Variants in RAD51B observed in about 807,000 individuals in gnomAD.
RAD51B encodes the protein RAD51 paralog B.
Under a neutral mutation model 42.2 loss-of-function variants are expected in RAD51B, and 38 were observed. The observed-to-expected ratio is 0.90, with a 90% CI of 0.70 to 1.18. RAD51B has a LOEUF of 1.18. Ranked by LOEUF, RAD51B falls within the 50% of genes most tolerant of loss-of-function variation. The probability of loss-of-function intolerance (pLI) is 0.00; values close to 1 mark genes in which losing one functional copy is unlikely to be tolerated. For missense variants in RAD51B, 373 were observed against 400.7 expected, an observed-to-expected ratio of 0.93 and a Z score of 0.59; for synonymous variants, 154 against 145.2, an observed-to-expected ratio of 1.06 and a Z score of -0.43.
chr14:68,349,480 C>T (rs1359514160), intron 8 of RAD51B, among the ~76,000 whole-genome samples: 1 of 152,148 alleles, frequency 6.6e-6, no homozygotes, highest in Non-Finnish European at 1.5e-5. Flanking sequence ...AATTCTTCTG[C>T]CTCACCCTCT....
At chr14:68,143,964 A>G (rs910790238) in intron 7 of RAD51B, among the ~76,000 whole-genome samples, 6 of 151,010 alleles carry the variant, frequency 4.0e-5, no homozygotes, top group Non-Finnish European at 7.4e-5. Context: ...TTTCTCTTCT[A>G]CATTACTCAG....
chr14:67,916,040 C>T (rs1019005654), intron 7 of RAD51B, among the ~76,000 whole-genome samples: 11 of 152,134 alleles, frequency 7.2e-5, no homozygotes, highest in Non-Finnish European at 1.3e-4. Context: ...GCATGCCCTG[C>T]TAAGTAAAAG....
intron 10 of RAD51B, among the ~76,000 whole-genome samples, chr14:68,577,837 C>T (rs79071597): frequency 0.19 from 28,930 of 152,212 alleles, 3,583 homozygotes; most frequent in Non-Finnish European, 0.28. Flanking sequence ...CCGTGGTGTA[C>T]ATGCTCAATA....
chr14:68,199,137 C>T (rs1361557866), intron 7 of RAD51B, among the ~76,000 whole-genome samples: 1 of 152,212 alleles, frequency 6.6e-6, no homozygotes, highest in Non-Finnish European at 1.5e-5. Flanking sequence ...TTCTCTTTCT[C>T]TGACTCTTTT....
At chr14:68,183,988 G>T (rs1348082332) in intron 7 of RAD51B, among the ~76,000 whole-genome samples, 3 of 151,704 alleles carry the variant, frequency 2.0e-5, no homozygotes, top group African/African-American at 2.4e-5. Flanking sequence ...GCTACTCGGG[G>T]GGGGTGAGGC....
rs540908536 is a variant in RAD51B, at chr14:68,167,856, CATT to C, written c.757-124025_757-124023del. On this transcript the variant is annotated intron_variant, in intron 7 of 10. Transcript: ENST00000471583. The stretch of plus-strand genomic sequence containing the variant: ...TATAGGTACAAAGTCCTCCCATAAA[CATT>C]ATCTTATTTAATTTTTAAAACAAGC... Among the ~76,000 whole-genome samples, 10 of 152,234 alleles carry C rather than the reference CATT, an allele frequency of 6.6e-5. No homozygotes were observed. The South Asian group carries it at 1.9e-3, about 28-fold the overall frequency.
At chr14:68,061,738 T>TTGATTTTGTATAC (rs1449307463) in intron 7 of RAD51B, among the ~76,000 whole-genome samples, 1 of 152,210 alleles carries the variant, frequency 6.6e-6, no homozygotes, top group African/African-American at 2.4e-5. Context: ...GTTTCGTATG[T>TTGATTTTGTATAC]TGATTTTGTA....
chr14:68,310,712 G>A (rs190089879), intron 8 of RAD51B, among the ~76,000 whole-genome samples: 148 of 152,246 alleles, frequency 9.7e-4, no homozygotes, highest in African/African-American at 3.4e-3. Context: ...GGGTGTGGTG[G>A]TGCACATCTG....
chr14:68,480,676 T>A (rs543580204), downstream of RAD51B, among the ~76,000 whole-genome samples: 757 of 150,990 alleles, frequency 5.0e-3, 8 homozygotes, highest in African/African-American at 0.016. Flanking sequence ...AAAAAAAAAA[T>A]GTCTATATTG....
chr14:68,344,023 C>T (rs576592654), intron 8 of RAD51B, among the ~76,000 whole-genome samples: 280 of 152,370 alleles, frequency 1.8e-3, no homozygotes, highest in African/African-American at 6.4e-3. Context: ...CAGGCAGTAG[C>T]CTGCTGCAGA....
chr14:67,948,794 T>A (rs2074383490), intron 7 of RAD51B, among the ~76,000 whole-genome samples: 1 of 151,428 alleles, frequency 6.6e-6, no homozygotes, highest in Admixed American at 6.6e-5. Context: ...TAGCCGGGCA[T>A]GGTTGTGGGC....
chr14:68,383,288 T>G (rs2083519432), intron 8 of RAD51B, among the ~76,000 whole-genome samples: 1 of 152,228 alleles, frequency 6.6e-6, no homozygotes, highest in East Asian at 1.9e-4. Flanking sequence ...CCAGTTGTTC[T>G]CAACCCAGGG....
intron 8 of RAD51B, among the ~76,000 whole-genome samples, chr14:68,384,056 A>G (rs914251498): frequency 6.6e-6 from 1 of 152,212 alleles, no homozygotes; most frequent in Non-Finnish European, 1.5e-5. Context: ...TTGTCAAGAT[A>G]CATGTTCTAT....
intron 7 of RAD51B, among the ~76,000 whole-genome samples, chr14:67,896,078 C>T (rs2043407640): frequency 6.6e-6 from 1 of 152,006 alleles, no homozygotes; most frequent in Non-Finnish European, 1.5e-5. Context: ...ATTATAAAGC[C>T]CCCTGAAAAC....
chr14:68,639,166 C>T (rs1892404238), intron 10 of RAD51B, among the ~76,000 whole-genome samples: 2 of 152,182 alleles, frequency 1.3e-5, no homozygotes, highest in South Asian at 4.1e-4. Context: ...GCGATGCTAG[C>T]TGCTGTAACA....
chr14:67,823,606 A>G lies in RAD51B; in HGVS notation c.63A>G (p.Arg21=). ...LSQELCDRLS[R]HQILTCQDFL... ...AAGAGCTGTGTGACCGTCTGAGTAG[A>G]CATCAGATCCTTACCTGTCAGGTAA... Residue 21 remains arginine, a synonymous_variant, in exon 2 of 11, where the codon AGA becomes AGG. Transcript: ENST00000471583. 1 of 1,613,294 alleles carries G rather than the reference A, an allele frequency of 6.2e-7. No homozygotes were observed. Among genetic ancestry groups the G allele is most frequent in the Non-Finnish European group, 8.5e-7 (1 of 1,179,674 alleles).
At position 68,090,885 on chromosome 14, in the gene RAD51B, T is replaced by A. The variant is rs1249590662; in HGVS notation, c.757-200999T>A. Among the ~76,000 whole-genome samples, 4 of 116,248 alleles carry A rather than the reference T, an allele frequency of 3.4e-5. No individual in the cohort carries two copies. In the Admixed American group the frequency reaches 4.7e-4, roughly 14 times the overall value. 76.3% of individuals were successfully genotyped at this position (116,248 alleles called of 152,430 possible). On this transcript the variant is annotated intron_variant, in intron 7 of 10. Coordinates refer to ENST00000471583, the MANE Select transcript of RAD51B (RefSeq NM_133510.4). ...CCCCACAACAGTCCCCAGAGTGTGA[T>A]GTTCCCCTTCCTGTGTCCATGTGTT...
chr14:68,331,891 T>TG (rs1289767198), intron 8 of RAD51B, among the ~76,000 whole-genome samples: 3 of 152,156 alleles, frequency 2.0e-5, no homozygotes, highest in African/African-American at 7.2e-5. Context: ...TTGAAAGTAT[T>TG]GGGGGGGTTT....
At chr14:68,325,226 A>G (rs2082226601) in intron 8 of RAD51B, among the ~76,000 whole-genome samples, 1 of 152,236 alleles carries the variant, frequency 6.6e-6, no homozygotes, top group African/African-American at 2.4e-5. Flanking sequence ...GTGAGTTAAG[A>G]TATGTTTTTG....
Sources: allele counts gnomAD v4.1 joint callset (sites outside exome capture counted in the v4.1 genomes callset), GRCh38; gene constraint gnomAD v4.1.1; transcripts MANE v1.5; gene names NCBI Gene and HGNC (gene_info 2026-07-23, HGNC 2026-07-21).